Variants in ABCC9 observed in about 807,000 individuals in gnomAD.
ABCC9 encodes the protein ATP-binding cassette sub-family C member 9.
Under a neutral mutation model 188.3 loss-of-function variants are expected in ABCC9, and 95 were observed. That is an observed-to-expected ratio of 0.50 (90% CI 0.43 to 0.60). The LOEUF is 0.60. Among genes scored for constraint, ABCC9 ranks in the 20% least tolerant of loss-of-function variants. The pLI, the probability that ABCC9 is intolerant of heterozygous loss-of-function variation, is 0.00. For synonymous variants in ABCC9, 659 were observed against 652.7 expected, an observed-to-expected ratio of 1.01 and a Z score of -0.15; for missense variants, 1,102 against 1,876.3, an observed-to-expected ratio of 0.59 and a Z score of 7.62.
chr12:21,929,949 C>T (rs1949208782), intron 4 of ABCC9, among the ~76,000 whole-genome samples: 1 of 151,836 alleles, frequency 6.6e-6, no homozygotes, highest in Non-Finnish European at 1.5e-5. Flanking sequence ...TCGTCATTTA[C>T]ATTAGGTATA....
chr12:21,884,401 T>C (rs373750316), intron 15 of ABCC9, among the ~76,000 whole-genome samples: 3 of 152,286 alleles, frequency 2.0e-5, no homozygotes, highest in African/African-American at 4.8e-5. Flanking sequence ...AAATACCTTA[T>C]AGAGACTATG....
chr12:21,868,834 A>G (rs1323317743), intron 18 of ABCC9, among the ~76,000 whole-genome samples: 3 of 152,180 alleles, frequency 2.0e-5, no homozygotes, highest in Admixed American at 1.3e-4. Context: ...GAATATCAAT[A>G]ATTTCTAAAT....
intron 14 of ABCC9, among the ~76,000 whole-genome samples, chr12:21,889,199 T>A (rs1947024978): frequency 6.6e-6 from 1 of 152,168 alleles, no homozygotes; most frequent in African/African-American, 2.4e-5. Flanking sequence ...AGGCAATCTA[T>A]TAGCTGTCAA....
At chr12:21,936,757 A>G in intron 2 of ABCC9, 63 bp from the exon 3 acceptor site, 1 of 1,288,502 alleles carries the variant, frequency 7.8e-7, no homozygotes, top group South Asian at 1.3e-5. Flanking sequence ...TCATAAAATT[A>G]TTAAAGCCTT....
intron 4 of ABCC9, among the ~76,000 whole-genome samples, chr12:21,927,541 T>G (rs992725944): frequency 5.9e-5 from 9 of 152,264 alleles, no homozygotes; most frequent in Admixed American, 5.9e-4. Flanking sequence ...CATTAGGGTA[T>G]GAGGGTGATG....
At chr12:21,917,193 A>G (rs1948632393) in intron 5 of ABCC9, 90 bp from the exon 6 acceptor site, 1 of 1,335,394 alleles carries the variant, frequency 7.5e-7, no homozygotes, top group East Asian at 2.3e-5. Context: ...TTTAATAACA[A>G]AGGCAATTTT....
chr12:21,814,590 T>G, intron 35 of ABCC9, 54 bp downstream of exon 35: 4 of 1,454,804 alleles, frequency 2.7e-6, no homozygotes, highest in Non-Finnish European at 2.9e-6. Context: ...AAATTGATGT[T>G]TTTTTAAAGG....
intron 13 of ABCC9, 103 bp downstream of exon 13, chr12:21,895,172 C>T (rs767419792): frequency 9.8e-7 from 1 of 1,019,158 alleles, no homozygotes; most frequent in Non-Finnish European, 1.5e-6. Flanking sequence ...AGAGAAGTCA[C>T]AGAGGTGAGG....
intron 37 of ABCC9, among the ~76,000 whole-genome samples, chr12:21,809,243 G>T (rs1176205261): frequency 6.6e-6 from 1 of 151,998 alleles, no homozygotes; most frequent in Non-Finnish European, 1.5e-5. Flanking sequence ...TCATTTATTT[G>T]TCAGACATTG....
intron 18 of ABCC9, among the ~76,000 whole-genome samples, chr12:21,866,718 A>G (rs1219041972): frequency 1.3e-5 from 2 of 152,206 alleles, no homozygotes; most frequent in African/African-American, 2.4e-5. Flanking sequence ...ATGGGTGAAG[A>G]GTTTCAAAAT....
At chr12:21,832,077 G>A (rs999235183) in intron 30 of ABCC9, among the ~76,000 whole-genome samples, 8 of 152,084 alleles carry the variant, frequency 5.3e-5, no homozygotes, top group Admixed American at 3.3e-4. Context: ...GAAACCTTCT[G>A]TTTTCCTAAT....
chr12:21,888,895 G>T (rs527729137), intron 14 of ABCC9, among the ~76,000 whole-genome samples: 57 of 117,432 alleles, frequency 4.9e-4, no homozygotes, highest in African/African-American at 1.5e-3. Flanking sequence ...CTTTTGGCAA[G>T]CTAGGATGCA....
intron 31 of ABCC9, among the ~76,000 whole-genome samples, chr12:21,824,574 A>G (rs1453072487): frequency 6.6e-6 from 1 of 152,140 alleles, no homozygotes; most frequent in African/African-American, 2.4e-5. Context: ...TGATACCAGC[A>G]TCTCTTTGTA....
At chr12:21,854,524 ATTTCTT>A (rs1319201207) in intron 22 of ABCC9, among the ~76,000 whole-genome samples, 1 of 152,200 alleles carries the variant, frequency 6.6e-6, no homozygotes, top group African/African-American at 2.4e-5. Context: ...TTGTCCTGAA[ATTTCTT>A]TGGATGACAA....
rs936939979 is a variant in ABCC9, at chr12:21,844,874, G to T, written c.3138C>A (p.Gly1046=). The part of the protein sequence containing the change: ...VAGFSILCGA[G]IFLCLVTSLT... ...GGGATGTAACAAGGCAAAGGAAAAT[G>T]CCTGCTCCACAGAGTATGCTAAAGC... The change falls in exon 27 of 40, where the codon GGC becomes GGA. Residue 1046 remains glycine, a synonymous_variant. Transcript: ENST00000261200. 16 of 1,613,782 alleles carry T rather than the reference G, an allele frequency of 9.9e-6. No individual in the cohort carries two copies. The highest frequency in any genetic ancestry group is 1.3e-5 in the Non-Finnish European group (15 of 1,179,850).
chr12:21,853,452 A>C (rs931428251), intron 22 of ABCC9, among the ~76,000 whole-genome samples: 3 of 151,914 alleles, frequency 2.0e-5, no homozygotes, highest in Admixed American at 2.0e-4. Flanking sequence ...TATAATTTAC[A>C]TTGTTAGCTA....
In ABCC9 at chr12:21,912,890, C is replaced by T. The variant is rs1391213969; in HGVS notation, c.993G>A (p.Gly331=). 25 of 1,613,306 alleles carry T rather than the reference C, an allele frequency of 1.5e-5. No individual in the cohort carries two copies. The highest frequency in any genetic ancestry group is 1.8e-5 in the Non-Finnish European group (21 of 1,179,588). Residue 331 remains glycine, a synonymous_variant, in exon 8 of 40, where the codon GGG becomes GGA. Transcript: ENST00000261200. ...AACTTACTCCAGTTGTGTTATTTGT[C>T]CCATTCTGGGTTTCATTCACACGCT... is the stretch of plus-strand genomic sequence containing the variant. The part of the protein sequence containing the change: ...IVQRVNETQN[G]TNNTTGISET...
chr12:21,882,122 G>A (rs1479264605), intron 16 of ABCC9, among the ~76,000 whole-genome samples: 1 of 152,142 alleles, frequency 6.6e-6, no homozygotes, highest in East Asian at 1.9e-4. Context: ...CAGGAGAATT[G>A]GATATCCTCC....
intron 5 of ABCC9, chr12:21,922,990 AT>A (rs1411120077): frequency 2.6e-5 from 4 of 151,306 alleles, no homozygotes; most frequent in Admixed American, 2.0e-4. Flanking sequence ...TAGTCATTTG[AT>A]TTATTTTTTT....
Sources: allele counts gnomAD v4.1 joint callset (sites outside exome capture counted in the v4.1 genomes callset), GRCh38; gene constraint gnomAD v4.1.1; transcripts MANE v1.5; gene names NCBI Gene and HGNC (gene_info 2026-07-23, HGNC 2026-07-21).